The following WDR17 variants were observed in gnomAD, a reference collection of about 807,000 sequenced individuals.
WDR17 encodes the protein WD repeat-containing protein 17.
WDR17 carries 143 observed loss-of-function variants against 161.7 expected under a neutral mutation model. The ratio of observed to expected loss-of-function variants is 0.88; its 90% CI spans 0.77 to 1.02. WDR17 has a LOEUF of 1.02. Ranked by LOEUF, WDR17 falls within the 50% of genes least tolerant of loss-of-function variation. WDR17 has a pLI of 0.00. For synonymous variants in WDR17, 517 were observed against 515.6 expected (o/e 1.00, Z -0.04); for missense variants, 1,469 against 1,520.9 (o/e 0.97, Z 0.57).
intron 9 of WDR17, among the ~76,000 whole-genome samples, chr4:176,137,954 A>G (rs1049250378): frequency 6.6e-6 from 1 of 151,676 alleles, no homozygotes; most frequent in Non-Finnish European, 1.5e-5. Flanking sequence ...AAGGAGAATC[A>G]CTTTATTGCC....
intron 1 of WDR17, among the ~76,000 whole-genome samples, chr4:176,074,281 A>G (rs951431653): frequency 2.6e-5 from 4 of 151,988 alleles, no homozygotes; most frequent in African/African-American, 7.2e-5. Flanking sequence ...CTTTTAAAAA[A>G]ATTACAATGT....
chr4:176,078,044 T>A (rs1372327498), intron 1 of WDR17, among the ~76,000 whole-genome samples: 1 of 152,084 alleles, frequency 6.6e-6, no homozygotes, highest in Non-Finnish European at 1.5e-5. Context: ...TTGTGCACTC[T>A]TTTTGTCTAT....
chr4:176,093,500 T>C (rs1439716718), intron 1 of WDR17, among the ~76,000 whole-genome samples: 1 of 152,222 alleles, frequency 6.6e-6, no homozygotes, highest in East Asian at 1.9e-4. Context: ...TTATTTTAAT[T>C]ACTGATATTT....
At chr4:176,067,118 C>G (rs1364671434) in intron 1 of WDR17, among the ~76,000 whole-genome samples, 6 of 152,174 alleles carry the variant, frequency 3.9e-5, no homozygotes, top group Admixed American at 1.3e-4. Flanking sequence ...AGAAAGCACT[C>G]TTACATCCTT....
At chr4:176,131,994 GTA>G (rs1316033114) in intron 7 of WDR17, among the ~76,000 whole-genome samples, 2 of 152,042 alleles carry the variant, frequency 1.3e-5, no homozygotes, top group Non-Finnish European at 2.9e-5. Context: ...TTACATAGCT[GTA>G]GTATATTTTG....
intron 1 of WDR17, among the ~76,000 whole-genome samples, chr4:176,088,139 T>A (rs1267775427): frequency 6.6e-6 from 1 of 152,182 alleles, no homozygotes; most frequent in African/African-American, 2.4e-5. Context: ...CCACCATCCC[T>A]GGCCTTTATT....
chr4:176,170,325 T>A (rs1413819121), intron 23 of WDR17, among the ~76,000 whole-genome samples: 1 of 150,706 alleles, frequency 6.6e-6, no homozygotes, highest in East Asian at 1.9e-4. Context: ...TCTTTTTTTT[T>A]TTTTTTTGAC....
intron 4 of WDR17, 119 bp from the exon 5 acceptor site, chr4:176,124,985 A>G: frequency 8.6e-7 from 1 of 1,160,684 alleles, no homozygotes; most frequent in South Asian, 1.6e-5. Flanking sequence ...TATAAGCACC[A>G]CATTTGTATT....
chr4:176,141,410 A>G (rs906126483), intron 10 of WDR17, among the ~76,000 whole-genome samples: 1 of 152,146 alleles, frequency 6.6e-6, no homozygotes, highest in Non-Finnish European at 1.5e-5. Flanking sequence ...GTATTACACT[A>G]TGTTTTCCTC....
rs751924370 is a variant in WDR17 at position 176,179,579 on chromosome 4, A to G, written c.3852A>G (p.Ter1284TrpextTer1). ...CTGGAATACGACTCAATCCATTCTG[A>G]TAGAAGATTTTTGTCCATGCTTGAT... ...LGTGIRLNPF* is the reference protein window; with the variant it reads ...LGTGIRLNPFW The change falls in exon 29 of 29, where the codon TGA (stop) becomes TGG (tryptophan). Residue 1284 changes from the stop codon to tryptophan (W), a stop_lost. Coordinates refer to ENST00000508596, the MANE Select transcript of WDR17 (RefSeq NM_181265.4). 6.5e-7 allele frequency: 1 copy of G among 1,546,230 alleles called. No individual in the cohort carries two copies. Among genetic ancestry groups the G allele is most frequent in the Admixed American group, 1.9e-5 (1 of 51,290 alleles).
intron 1 of WDR17, among the ~76,000 whole-genome samples, chr4:176,095,741 GTC>G (rs1736758401): frequency 6.7e-6 from 1 of 150,044 alleles, no homozygotes; most frequent in South Asian, 2.1e-4. Context: ...CCTTCATTTT[GTC>G]TCTGTTGAAG....
intron 22 of WDR17, 159 bp from the exon 23 acceptor site, chr4:176,168,513 T>C: frequency 1.3e-6 from 1 of 745,706 alleles, no homozygotes; most frequent in East Asian, 2.8e-5. Context: ...GTAATCTGCA[T>C]TTACAGTAGT....
chr4:176,095,340 A>G (rs1203569947), intron 1 of WDR17, among the ~76,000 whole-genome samples: 4 of 152,148 alleles, frequency 2.6e-5, no homozygotes, highest in Non-Finnish European at 5.9e-5. Flanking sequence ...CAAATTAAGC[A>G]AGAGATTTTG....
intron 4 of WDR17, 78 bp downstream of exon 4, chr4:176,120,175 G>T (rs1579101377): frequency 1.8e-6 from 2 of 1,111,364 alleles, no homozygotes; most frequent in East Asian, 2.6e-5. Context: ...GGTCTTTCTA[G>T]TGACCAGTCC....
chr4:176,101,245 A>G (rs906886017), intron 1 of WDR17, among the ~76,000 whole-genome samples: 4 of 152,100 alleles, frequency 2.6e-5, no homozygotes, highest in Non-Finnish European at 5.9e-5. Context: ...CCACCTAAGC[A>G]GGGCTGGGGG....
At chr4:176,080,081 G>A (rs745905718) in intron 1 of WDR17, among the ~76,000 whole-genome samples, 1 of 151,928 alleles carries the variant, frequency 6.6e-6, no homozygotes, top group Non-Finnish European at 1.5e-5. Flanking sequence ...TGAAATGTAG[G>A]GGATGCAGTC....
intron 1 of WDR17, among the ~76,000 whole-genome samples, chr4:176,082,967 T>C (rs1734947750): frequency 6.6e-6 from 1 of 152,130 alleles, no homozygotes; most frequent in South Asian, 2.1e-4. Context: ...TGTTTTTCTT[T>C]GAATTTTAAT....
intron 11 of WDR17, among the ~76,000 whole-genome samples, chr4:176,144,724 G>A (rs1336112610): frequency 6.6e-6 from 1 of 152,048 alleles, no homozygotes; most frequent in Admixed American, 6.6e-5. Flanking sequence ...TTTAATTGCC[G>A]TATTCATATT....
chr4:176,095,759 A>T (rs1410589214), intron 1 of WDR17, among the ~76,000 whole-genome samples: 1 of 151,996 alleles, frequency 6.6e-6, no homozygotes, highest in East Asian at 1.9e-4. Context: ...TGAAGAAAAG[A>T]TCGCTTAGAA....
Sources: allele counts gnomAD v4.1 joint callset (sites outside exome capture counted in the v4.1 genomes callset), GRCh38; gene constraint gnomAD v4.1.1; transcripts MANE v1.5; gene names NCBI Gene and HGNC (gene_info 2026-07-23, HGNC 2026-07-21).